The following CCSER1 variants were observed in gnomAD, a reference collection of about 807,000 sequenced individuals.
CCSER1 encodes the protein coiled-coil serine rich protein 1.
CCSER1 carries 41 observed loss-of-function variants against 82.0 expected under a neutral mutation model. The observed-to-expected ratio is 0.50, with a 90% confidence interval of 0.39 to 0.65. CCSER1 has a LOEUF of 0.65. CCSER1 is among the 30% of genes least tolerant of loss of function. CCSER1 has a pLI of 0.00. For missense variants in CCSER1, 1,119 were observed against 1,064.2 expected, an observed-to-expected ratio of 1.05 and a Z score of -0.72; for synonymous variants, 414 against 383.9, an observed-to-expected ratio of 1.08 and a Z score of -0.92.
intron 1 of CCSER1, among the ~76,000 whole-genome samples, chr4:90,233,649 A>G (rs1239117763): frequency 2.0e-5 from 3 of 151,532 alleles, no homozygotes; most frequent in Non-Finnish European, 4.4e-5. Flanking sequence ...AAAAAAAACA[A>G]AACAAACTGG....
At chr4:90,740,458 G>T (rs1280415652) in intron 7 of CCSER1, among the ~76,000 whole-genome samples, 1 of 152,070 alleles carries the variant, frequency 6.6e-6, no homozygotes. Flanking sequence ...TGCTTAATTT[G>T]TGTTAAAAGA....
At chr4:91,137,733 G>C (rs189117826) in intron 10 of CCSER1, among the ~76,000 whole-genome samples, 3 of 152,026 alleles carry the variant, frequency 2.0e-5, no homozygotes, top group Admixed American at 2.0e-4. Context: ...ATCTCATAGT[G>C]GTTTTGATTT....
chr4:90,492,688 A>C (rs945390198), intron 5 of CCSER1, among the ~76,000 whole-genome samples: 1 of 152,104 alleles, frequency 6.6e-6, no homozygotes, highest in Non-Finnish European at 1.5e-5. Flanking sequence ...ACACTGCTTT[A>C]AATGTGTCCC....
At chr4:91,005,568 C>G (rs1238856862) in intron 9 of CCSER1, among the ~76,000 whole-genome samples, 1 of 152,066 alleles carries the variant, frequency 6.6e-6, no homozygotes, top group Non-Finnish European at 1.5e-5. Flanking sequence ...ATGAAAACCA[C>G]CTTATTAAAA....
intron 9 of CCSER1, among the ~76,000 whole-genome samples, chr4:90,946,674 G>A (rs1732291559): frequency 6.6e-6 from 1 of 151,094 alleles, no homozygotes; most frequent in African/African-American, 2.4e-5. Context: ...GACCTAGAAA[G>A]GTAACATGAA....
At chr4:90,661,882 G>T (rs1281143405) in intron 6 of CCSER1, among the ~76,000 whole-genome samples, 1 of 151,200 alleles carries the variant, frequency 6.6e-6, no homozygotes, top group Non-Finnish European at 1.5e-5. Context: ...AAAAAGGCAG[G>T]CATTACTTCC....
intron 7 of CCSER1, among the ~76,000 whole-genome samples, chr4:90,791,169 T>G (rs1755177523): frequency 6.6e-6 from 1 of 152,132 alleles, no homozygotes; most frequent in African/African-American, 2.4e-5. Flanking sequence ...GAGGACTTAC[T>G]ATCATGAGGC....
chr4:90,719,859 A>T (rs1160256291), intron 6 of CCSER1, among the ~76,000 whole-genome samples: 1 of 152,172 alleles, frequency 6.6e-6, no homozygotes, highest in African/African-American at 2.4e-5. Context: ...CATTCAGTGT[A>T]GCCTGAGGGT....
chr4:90,735,002 A>G (rs1745418425), intron 7 of CCSER1, among the ~76,000 whole-genome samples: 1 of 152,080 alleles, frequency 6.6e-6, no homozygotes, highest in Non-Finnish European at 1.5e-5. Context: ...TGTTTCTTCT[A>G]TACTCAGTTT....
chr4:90,226,200 GAGATCAGCAGAAA>G (rs1274631210), intron 1 of CCSER1, among the ~76,000 whole-genome samples: 3 of 152,234 alleles, frequency 2.0e-5, no homozygotes, highest in Admixed American at 6.5e-5. Flanking sequence ...TGGCCTATGT[GAGATCAGCAGAAA>G]AGCCAGCCAG....
chr4:90,496,388 G>GT (rs1462067550), intron 5 of CCSER1, among the ~76,000 whole-genome samples: 2 of 152,104 alleles, frequency 1.3e-5, no homozygotes, highest in East Asian at 3.8e-4. Flanking sequence ...AATACATTCA[G>GT]TATGGAGATT....
intron 5 of CCSER1, among the ~76,000 whole-genome samples, chr4:90,546,027 C>T (rs1287247908): frequency 6.6e-6 from 1 of 152,086 alleles, no homozygotes; most frequent in Non-Finnish European, 1.5e-5. Context: ...ATAGTTTGTC[C>T]CTTATGGCAT....
chr4:90,900,100 T>TTG, intron 8 of CCSER1, among the ~76,000 whole-genome samples: 2 of 148,906 alleles, frequency 1.3e-5, no homozygotes, highest in African/African-American at 4.9e-5. Flanking sequence ...CAGAGTTTTT[T>TTG]TTTTTTTTTT....
chr4:90,571,150 T>C (rs757316330), intron 5 of CCSER1, among the ~76,000 whole-genome samples: 1 of 152,088 alleles, frequency 6.6e-6, no homozygotes, highest in Non-Finnish European at 1.5e-5. Context: ...ATTAGTCCAG[T>C]CCCCGTGGAA....
intron 10 of CCSER1, among the ~76,000 whole-genome samples, chr4:91,361,571 A>T (rs1314573559): frequency 6.6e-6 from 1 of 151,756 alleles, no homozygotes; most frequent in East Asian, 1.9e-4. Context: ...GTTATAATGG[A>T]GATGAAGTAG....
At chr4:90,885,707 G>A (rs1204497561) in intron 8 of CCSER1, among the ~76,000 whole-genome samples, 4 of 152,096 alleles carry the variant, frequency 2.6e-5, no homozygotes, top group Admixed American at 6.6e-5. Flanking sequence ...CTAAAAGAAG[G>A]CATTACAACC....
intron 9 of CCSER1, among the ~76,000 whole-genome samples, chr4:90,986,834 C>G (rs976416640): frequency 5.9e-5 from 9 of 151,620 alleles, no homozygotes; most frequent in Non-Finnish European, 1.2e-4. Flanking sequence ...GCTAAACTCC[C>G]CATAACAACG....
intron 10 of CCSER1, among the ~76,000 whole-genome samples, chr4:91,393,093 C>A (rs1751760873): frequency 6.6e-6 from 1 of 151,884 alleles, no homozygotes; most frequent in Non-Finnish European, 1.5e-5. Flanking sequence ...ATAATTATTT[C>A]TACTAAGCAA....
intron 5 of CCSER1, among the ~76,000 whole-genome samples, chr4:90,509,403 G>T (rs1372678869): frequency 1.3e-5 from 2 of 151,990 alleles, no homozygotes; most frequent in Non-Finnish European, 2.9e-5. Context: ...TCCTATAAAA[G>T]AACTTTCTGA....
Sources: gnomAD v4.1 joint callset for allele counts (sites outside exome capture counted in the v4.1 genomes callset) on GRCh38, gnomAD v4.1.1 for gene constraint, MANE v1.5 for transcripts, NCBI Gene and HGNC (gene_info 2026-07-23, HGNC 2026-07-21) for gene names.